Variants in PIEZO2 observed in about 807,000 individuals in gnomAD.
PIEZO2 encodes the protein piezo-type mechanosensitive ion channel component 2.
In PIEZO2, 172 loss-of-function variants were observed where a neutral mutation model predicts 337.3. The ratio of observed to expected loss-of-function variants is 0.51; its 90% CI spans 0.45 to 0.58. The LOEUF (loss-of-function observed/expected upper bound fraction) is 0.58. PIEZO2 is among the 20% of genes least tolerant of loss of function. The probability of loss-of-function intolerance (pLI) is 0.00; values close to 1 mark genes in which losing one functional copy is unlikely to be tolerated. For missense variants in PIEZO2, 3,028 were observed against 3,391.3 expected (o/e 0.89, Z 2.66); for synonymous variants, 1,251 against 1,228.5 (o/e 1.02, Z -0.38).
rs1048787882 is a variant in PIEZO2 at position 10,980,123 on chromosome 18, C to G, written c.161-463G>C. ...AAAAGAAAATTATAACCCCATGTTA[C>G]TCATAACATAGATATGAATTATTTT... On this transcript the variant is annotated intron_variant, in intron 2 of 55. Coordinates refer to ENST00000674853, the MANE Select transcript of PIEZO2 (RefSeq NM_001378183.1). This position sits in a 1 kb window ranked among gnomAD's most constrained non-coding sequence, Gnocchi z 4.8. Among the ~76,000 whole-genome samples the G allele has an allele frequency of 6.6e-6, 1 of 151,970 alleles. No individual in the cohort carries two copies. Among genetic ancestry groups the G allele is most frequent in the African/African-American group, 2.4e-5 (1 of 41,356 alleles).
intron 2 of PIEZO2, among the ~76,000 whole-genome samples, chr18:11,015,392 A>C (rs1339060040): frequency 6.6e-6 from 1 of 152,180 alleles, no homozygotes; most frequent in Non-Finnish European, 1.5e-5. Context: ...TGCTTCACCA[A>C]ACCTCCCTGA....
intron 2 of PIEZO2, among the ~76,000 whole-genome samples, chr18:11,042,753 G>T (rs1872026): frequency 6.6e-6 from 1 of 152,140 alleles, no homozygotes; most frequent in South Asian, 2.1e-4. Context: ...ATACACCTTT[G>T]GGGGGCAGGA....
intron 40 of PIEZO2, among the ~76,000 whole-genome samples, chr18:10,706,497 C>A (rs1417944629): frequency 1.3e-5 from 2 of 152,186 alleles, no homozygotes; most frequent in Non-Finnish European, 2.9e-5. Context: ...GCCCACTCCA[C>A]CCCAGGGTGC....
intron 49 of PIEZO2, among the ~76,000 whole-genome samples, chr18:10,684,240 A>T (rs1179798860): frequency 7.9e-6 from 1 of 126,988 alleles, no homozygotes; most frequent in Non-Finnish European, 1.5e-5. Flanking sequence ...ATCTTGGCTC[A>T]CTGCAAGCTC....
intron 2 of PIEZO2, among the ~76,000 whole-genome samples, chr18:11,042,585 A>G (rs780402883): frequency 4.6e-5 from 7 of 152,222 alleles, no homozygotes; most frequent in Non-Finnish European, 1.0e-4. Context: ...CAGGGTGGAA[A>G]GCTGAGGTTA....
intron 4 of PIEZO2, among the ~76,000 whole-genome samples, chr18:10,886,065 A>G (rs144926267): frequency 2.7e-3 from 405 of 151,836 alleles, no homozygotes; most frequent in African/African-American, 9.0e-3. Flanking sequence ...GCAGTTTTGG[A>G]GATGGATAAA....
At chr18:10,683,864 T>C (rs1271546989) in intron 49 of PIEZO2, among the ~76,000 whole-genome samples, 1 of 152,146 alleles carries the variant, frequency 6.6e-6, no homozygotes, top group South Asian at 2.1e-4. Context: ...CATTGGTTCC[T>C]CTCCTGAAGG....
intron 1 of PIEZO2, among the ~76,000 whole-genome samples, chr18:11,081,218 T>A (rs2038728286): frequency 6.6e-6 from 1 of 152,188 alleles, no homozygotes. Context: ...ATACATTCAA[T>A]GCAAATTCTG....
chr18:10,742,791 T>C (rs943832862), intron 31 of PIEZO2, among the ~76,000 whole-genome samples, 176 bp from the exon 32 acceptor site: 2 of 126,430 alleles, frequency 1.6e-5, no homozygotes, highest in African/African-American at 7.3e-5. Flanking sequence ...TTCTTTTATA[T>C]ACATATTTGT....
rs935296394 is a variant in PIEZO2 at position 11,132,886 on chromosome 18, T to G, written c.64+15639A>C. ...TCTTAGTATTACCATGCTCTGTGAT[T>G]AAGGTCAATGGGAAACTACAACAGC... On this transcript the variant is annotated intron_variant, in intron 1 of 55. Transcript: ENST00000674853. The surrounding 1 kb of genome is among the most constrained non-coding windows in gnomAD (Gnocchi z 4.7). Among the ~76,000 whole-genome samples, 2 of 152,118 alleles carry G rather than the reference T, an allele frequency of 1.3e-5. No individual in the cohort carries two copies. Among genetic ancestry groups the G allele is most frequent in the Non-Finnish European group, 2.9e-5 (2 of 68,032 alleles).
chr18:10,672,234 C>G lies in PIEZO2; in HGVS notation c.8346-455G>C, dbSNP rs575293401. On this transcript the variant is annotated intron_variant, in intron 55 of 55. Coordinates refer to ENST00000674853, the MANE Select transcript of PIEZO2 (RefSeq NM_001378183.1). The surrounding 1 kb of genome is among the most constrained non-coding windows in gnomAD (Gnocchi z 4.7). ...TGAAAATCATTTCTTATGAGGCTAA[C>G]TTTGAGAAATACAATATTTTACATT... is the stretch of plus-strand genomic sequence containing the variant. Among the ~76,000 whole-genome samples the G allele has an allele frequency of 7.0e-4, 106 of 152,178 alleles. No individual in the cohort carries two copies. Among genetic ancestry groups the G allele is most frequent in the African/African-American group, 2.4e-3 (100 of 41,508 alleles).
chr18:10,752,916 A>G (rs1243661981), intron 27 of PIEZO2, 37 bp from the exon 28 acceptor site: 1 of 1,508,552 alleles, frequency 6.6e-7, no homozygotes, highest in Admixed American at 2.1e-5. Flanking sequence ...GACAACAACA[A>G]CAAAACAAAC....
chr18:10,902,110 G>A (rs1046344871), intron 4 of PIEZO2, among the ~76,000 whole-genome samples: 1 of 152,196 alleles, frequency 6.6e-6, no homozygotes, highest in African/African-American at 2.4e-5. Context: ...ATTGTGAACT[G>A]CACATGCAAG....
chr18:10,825,616 T>C (rs1231292981), intron 7 of PIEZO2, among the ~76,000 whole-genome samples: 2 of 141,464 alleles, frequency 1.4e-5, no homozygotes, highest in Non-Finnish European at 3.0e-5. Context: ...AGTGGCACAA[T>C]CTCGGCTCAC....
intron 28 of PIEZO2, among the ~76,000 whole-genome samples, chr18:10,751,939 TTC>T (rs2143761243): frequency 6.6e-6 from 1 of 152,260 alleles, no homozygotes; most frequent in South Asian, 2.1e-4. Flanking sequence ...AAGAGTTGTG[TTC>T]TGAAACATAG....
rs528115976 is a variant in PIEZO2, at chr18:10,739,201, A to G, written c.4708+1830T>C. 75 of 152,350 alleles carry G rather than the reference A, an allele frequency of 4.9e-4. 1 individual carries two copies. The highest frequency in any genetic ancestry group is 1.7e-3 in the African/African-American group (72 of 41,594). The allele number at this position is 152,350 out of a possible 1,614,324, so 9.4% of individuals were successfully genotyped here. A position where few individuals can be genotyped will look rare whatever the true frequency, so the allele number is the denominator to read the frequency against. On this transcript the variant is annotated intron_variant, in intron 33 of 55. Coordinates refer to ENST00000674853, the MANE Select transcript of PIEZO2 (RefSeq NM_001378183.1). ...GTAAAAAGAAATACATTTTGCAGCA[A>G]AAAATTTAACACCACAGTCTGAATA... is the stretch of plus-strand genomic sequence containing the variant.
At chr18:10,801,098 G>T (rs887421621) in intron 10 of PIEZO2, among the ~76,000 whole-genome samples, 1 of 152,186 alleles carries the variant, frequency 6.6e-6, no homozygotes, top group East Asian at 1.9e-4. Flanking sequence ...CCAATACACA[G>T]GTGTATGTGC....
chr18:10,975,275 C>T (rs1478994382), intron 3 of PIEZO2, among the ~76,000 whole-genome samples: 2 of 152,222 alleles, frequency 1.3e-5, no homozygotes, highest in Admixed American at 6.5e-5. Context: ...ACACATCTAA[C>T]ACGGAGTCAA....
At chr18:10,810,745 G>A (rs2040162474) in intron 7 of PIEZO2, among the ~76,000 whole-genome samples, 1 of 152,130 alleles carries the variant, frequency 6.6e-6, no homozygotes. Context: ...CAAGAATTGG[G>A]GGTATATGTA....
Sources: gnomAD v4.1 joint callset for allele counts (sites outside exome capture counted in the v4.1 genomes callset) on GRCh38, gnomAD v4.1.1 for gene constraint, Gnocchi (gnomAD v3.1) non-coding constraint, MANE v1.5 for transcripts, NCBI Gene and HGNC (gene_info 2026-07-23, HGNC 2026-07-21) for gene names.